LARGE2: variants seen among roughly 807,000 people sequenced by gnomAD.
LARGE2 encodes the protein xylosyl- and glucuronyltransferase LARGE2.
LARGE2 carries 63 observed loss-of-function variants against 75.3 expected under a neutral mutation model. The observed-to-expected ratio is 0.84, with a 90% CI of 0.68 to 1.03. The LOEUF (loss-of-function observed/expected upper bound fraction) is 1.03. LARGE2 is among the 50% of genes least tolerant of loss of function. The pLI is 0.00. For synonymous variants in LARGE2, 428 were observed against 420.1 expected, an observed-to-expected ratio of 1.02 and a Z score of -0.23; for missense variants, 925 against 980.6, an observed-to-expected ratio of 0.94 and a Z score of 0.76.
rs369644747 is a variant in LARGE2, at chr11:45,924,499, C to G, written c.493-7C>G. 1 of 1,609,918 alleles carries G rather than the reference C, an allele frequency of 6.2e-7. No individual in the cohort carries two copies. The highest frequency in any genetic ancestry group is 8.5e-7 in the Non-Finnish European group (1 of 1,177,610). On this transcript the variant is annotated splice_region_variant and splice_polypyrimidine_tract_variant and intron_variant, in intron 4 of 13. Coordinates refer to ENST00000401752, the MANE Select transcript of LARGE2 (RefSeq NM_001300721.2). ...GCCATCTCATCTCCTGCCTTTCCCC[C>G]ACACAGCCCCAGGTCTCCTGGATCC... is the stretch of plus-strand genomic sequence containing the variant.
In LARGE2 at chr11:45,926,074, G is replaced by A. The variant is rs1163070135; in HGVS notation, c.805G>A (p.Ala269Thr). Residue 269 changes from alanine (A) to threonine (T), a missense_variant, in exon 7 of 14, where the codon GCT (alanine) becomes ACT (threonine). Coordinates refer to ENST00000401752, the MANE Select transcript of LARGE2 (RefSeq NM_001300721.2). ...GCTGCGGCTGGACCGGCTCCGGCAG[G>A]CTGGCTGGGAGCAGATGTGGAGGCT... ...ILLRLDRLRQ[A>T]GWEQMWRLTA... 7 of 1,559,654 alleles carry A rather than the reference G, an allele frequency of 4.5e-6. No homozygotes were observed. The highest frequency in any genetic ancestry group is 6.1e-6 in the Non-Finnish European group (7 of 1,152,156).
At chr11:45,924,426 C>A in intron 4 of LARGE2, 80 bp from the exon 5 acceptor site, 1 of 1,571,222 alleles carries the variant, frequency 6.4e-7, no homozygotes, top group Non-Finnish European at 8.6e-7. Flanking sequence ...ACCCCCTCTC[C>A]TCTGTGTCAC....
intron 10 of LARGE2, among the ~76,000 whole-genome samples, 164 bp downstream of exon 10, chr11:45,927,035 C>T (rs866004436): frequency 6.6e-6 from 1 of 152,196 alleles, no homozygotes; most frequent in African/African-American, 2.4e-5. Flanking sequence ...AGCTTGGGCT[C>T]TGGAGTCATT....
At chr11:45,923,845 G>A (rs908090787) in intron 3 of LARGE2, among the ~76,000 whole-genome samples, 9 of 151,304 alleles carry the variant, frequency 5.9e-5, no homozygotes, top group African/African-American at 2.2e-4. Context: ...AATTAGCCGG[G>A]CGTAGTGGCG....
Position 45,926,046 on chromosome 11 carries a change from C to T in LARGE2, c.777C>T (p.Ile259=). The T allele has an allele frequency of 3.2e-6, 5 of 1,555,900 alleles. No individual in the cohort carries two copies. Among genetic ancestry groups the T allele is most frequent in the South Asian group, 2.4e-5 (2 of 84,508 alleles). The part of the protein sequence containing the change: ...ALGRGFNTGV[I]LLRLDRLRQA... ...GCATCTCTTCATTGGCAGGTGTGATCCTGCTGCGGCTGGACCGGCTCCGGC... is the reference window on the plus strand; with the variant it reads ...GCATCTCTTCATTGGCAGGTGTGATTCTGCTGCGGCTGGACCGGCTCCGGC... The change falls in exon 7 of 14, where the codon ATC becomes ATT. Residue 259 remains isoleucine (I), a synonymous_variant. Transcript: ENST00000401752.
rs1221477820 is a variant in LARGE2, at chr11:45,927,570, C to T, written c.1581C>T (p.Ala527=). Residue 527 remains alanine, a synonymous_variant, in exon 11 of 14, where the codon GCC becomes GCT. Transcript: ENST00000401752. ...TCAGTGACATTGACTTCCTGCCTGC[C>T]TATTCTCTCTACGACTACCTCAGGT... ...VFLSDIDFLP[A]YSLYDYLRAS... The T allele has an allele frequency of 5.0e-6, 8 of 1,613,848 alleles. No individual in the cohort carries two copies. Among genetic ancestry groups the T allele is most frequent in the Middle Eastern group, 1.6e-4 (1 of 6,062 alleles).
chr11:45,925,876 A>C (rs2087119105), intron 6 of LARGE2, among the ~76,000 whole-genome samples, 163 bp from the exon 7 acceptor site: 1 of 152,140 alleles, frequency 6.6e-6, no homozygotes. Flanking sequence ...AAAAAACAAA[A>C]CAAAACAAAA....
intron 11 of LARGE2, 53 bp from the exon 12 acceptor site, chr11:45,927,867 C>T: frequency 6.2e-7 from 1 of 1,608,368 alleles, no homozygotes. Flanking sequence ...GTGTCACTGG[C>T]CCAGTCCTAG....
Position 45,926,138 on chromosome 11 carries a change from C to T in LARGE2, c.869C>T (p.Ser290Leu). The change falls in exon 7 of 14, where the codon TCA (serine) becomes TTA (leucine). Residue 290 changes from serine (S) to leucine (L), a missense_variant. Ser to Leu is a moderately radical substitution (Grantham distance 145). This residue lies in a region of LARGE2 where 453 missense variants were observed against 460.2 expected (regional missense o/e 0.98). Transcript: ENST00000401752. ...GAGCTCCTTAGCCTGCCTGCCACCT[C>T]ACTGGCTGACCAGGTCTGAGGAAGC... ...RRELLSLPAT[S>L]LADQDIFNAV... 1 of 1,584,694 alleles carries T rather than the reference C, an allele frequency of 6.3e-7. No individual in the cohort carries two copies. The highest frequency in any genetic ancestry group is 8.6e-7 in the Non-Finnish European group (1 of 1,165,316).
intron 6 of LARGE2, 27 bp downstream of exon 6, chr11:45,924,916 G>A (rs1234782784): frequency 7.2e-7 from 1 of 1,393,198 alleles, no homozygotes; most frequent in South Asian, 1.5e-5. Context: ...GGGGAGGCAG[G>A]CGGGGTGGTC....
chr11:45,923,935 G>C (rs2087029080), intron 3 of LARGE2, among the ~76,000 whole-genome samples: 1 of 139,502 alleles, frequency 7.2e-6, no homozygotes, highest in Non-Finnish European at 1.5e-5. Flanking sequence ...GCAGTGAGCC[G>C]AGATCCCGCC....
chr11:45,922,962 T>G lies in LARGE2; in HGVS notation c.80T>G (p.Phe27Cys). 1 of 1,306,578 alleles carries G rather than the reference T, an allele frequency of 7.7e-7. No homozygotes were observed. The allele number at this position is 1,306,578 out of a possible 1,614,324, so 80.9% of individuals were successfully genotyped here. The change falls in exon 2 of 14, where the codon TTC (phenylalanine) becomes TGC (cysteine). Residue 27 changes from phenylalanine (F) to cysteine (C), a missense_variant. This residue lies in a region of LARGE2 where 453 missense variants were observed against 460.2 expected (regional missense o/e 0.98). Transcript: ENST00000401752. ...CTGCTGCTGCTCGGATTCCTCCTGT[T>G]CGGTGGGGACCTGGGGTGTGAGCGC... ...LLLLLLGFLL[F>C]GGDLGCERRE...
intron 10 of LARGE2, 147 bp downstream of exon 10, chr11:45,927,018 T>A (rs2087184026): frequency 1.1e-6 from 1 of 943,962 alleles, no homozygotes; most frequent in African/African-American, 1.7e-5. Flanking sequence ...TTGGATATGG[T>A]GGAAAGAGCT....
Position 45,924,189 on chromosome 11 carries a change from C to G in LARGE2, c.404C>G (p.Ala135Gly). 3.1e-6 allele frequency: 5 copies of G among 1,612,650 alleles called. No homozygotes were observed. Among genetic ancestry groups the G allele is most frequent in the South Asian group, 1.1e-5 (1 of 91,062 alleles). Residue 135 changes from alanine to glycine, a missense_variant, in exon 4 of 14, where the codon GCC becomes GGC. By Grantham distance (60) the Ala-to-Gly change is moderately conservative (BLOSUM62 0). This residue lies in a region of LARGE2 where 453 missense variants were observed against 460.2 expected (regional missense o/e 0.98). Transcript: ENST00000401752. Reference sequence around the variant, plus strand: ...CTGCACCTCCACTTGGTGACTGACGCCGTGGCCAGAAACATCCTGGAGACG... The same window carrying G: ...CTGCACCTCCACTTGGTGACTGACGGCGTGGCCAGAAACATCCTGGAGACG... ...NPLHLHLVTDAVARNILETLF... is the reference protein window; with the variant it reads ...NPLHLHLVTDGVARNILETLF...
At chr11:45,927,165 TTCAA>T (rs1363151508) in intron 10 of LARGE2, 146 bp from the exon 11 acceptor site, 13 of 911,752 alleles carry the variant, frequency 1.4e-5, no homozygotes, top group Non-Finnish European at 2.0e-5. Flanking sequence ...GTTGTGAAGA[TTCAA>T]TCAGACTGGC....
At position 45,928,389 on chromosome 11, in the gene LARGE2, G is replaced by A; in HGVS notation, c.1950+17G>A. The A allele has an allele frequency of 6.2e-7, 1 of 1,609,968 alleles. No individual in the cohort carries two copies. The highest frequency in any genetic ancestry group is 8.5e-7 in the Non-Finnish European group (1 of 1,177,260). On this transcript the variant is annotated intron_variant, in intron 13 of 13. Coordinates refer to ENST00000401752, the MANE Select transcript of LARGE2 (RefSeq NM_001300721.2). ...GATGCCCAGGTGAGGAGGGCACCTT[G>A]CTGCCTCCACCTTTGACTCGAGCAC...
At chr11:45,927,024 G>A (rs938895001) in intron 10 of LARGE2, among the ~76,000 whole-genome samples, 153 bp downstream of exon 10, 1 of 152,200 alleles carries the variant, frequency 6.6e-6, no homozygotes, top group Non-Finnish European at 1.5e-5. Flanking sequence ...ATGGTGGAAA[G>A]AGCTTGGGCT....
At chr11:45,924,057 G>T in intron 3 of LARGE2, 97 bp from the exon 4 acceptor site, 1 of 1,185,996 alleles carries the variant, frequency 8.4e-7, no homozygotes, top group Non-Finnish European at 1.2e-6. Flanking sequence ...AAAGCTCTTT[G>T]CAGATGGCGC....
chr11:45,926,837 G>T lies in LARGE2; in HGVS notation c.1291G>T (p.Asp431Tyr). Residue 431 changes from aspartate to tyrosine, a missense_variant, in exon 10 of 14, where the codon GAT (aspartate) becomes TAT (tyrosine). Around this residue, in one of 3 missense-constraint regions of LARGE2, gnomAD observed 469 missense variants for 503.8 expected, o/e 0.93. Coordinates refer to ENST00000401752, the MANE Select transcript of LARGE2 (RefSeq NM_001300721.2). ...TGAACCGCCACCCCCCCGGCCTCAC[G>T]ATGTCACCCTTGTGGCCCAGCTGTC... is the stretch of plus-strand genomic sequence containing the variant. ...PHEPPPPRPH[D>Y]VTLVAQLSMD... 6.2e-7 allele frequency: 1 copy of T among 1,612,860 alleles called. No homozygotes were observed. The highest frequency in any genetic ancestry group is 8.5e-7 in the Non-Finnish European group (1 of 1,179,916).
Sources: gnomAD v4.1 joint callset for allele counts (sites outside exome capture counted in the v4.1 genomes callset) on GRCh38, gnomAD v4.1.1 for gene constraint, gnomAD v4.1.1 regional missense constraint, MANE v1.5 for transcripts, NCBI Gene and HGNC (gene_info 2026-07-23, HGNC 2026-07-21) for gene names.